The following RIN3 variants were observed in gnomAD, a reference collection of about 807,000 sequenced individuals.
RIN3 encodes the protein Ras and Rab interactor 3, also known as RAB5 interacting protein 3.
RIN3 carries 54 observed loss-of-function variants against 76.3 expected under a neutral mutation model. The ratio of observed to expected loss-of-function variants is 0.71; its 90% confidence interval spans 0.57 to 0.89. RIN3 has a LOEUF of 0.89. Ranked by LOEUF, RIN3 falls within the 40% of genes least tolerant of loss-of-function variation. RIN3 has a pLI of 0.00. For missense variants in RIN3, 1,256 were observed against 1,322.1 expected (o/e 0.95, Z 0.78); for synonymous variants, 576 against 564.0 (o/e 1.02, Z -0.30).
chr14:92,553,201 C>G (rs1433017890), intron 1 of RIN3, among the ~76,000 whole-genome samples: 4 of 152,128 alleles, frequency 2.6e-5, no homozygotes, highest in Non-Finnish European at 5.9e-5. Context: ...AGAAATGAAG[C>G]TGATTGCCCT....
chr14:92,621,724 G>A (rs1886190682), intron 4 of RIN3, among the ~76,000 whole-genome samples: 1 of 152,188 alleles, frequency 6.6e-6, no homozygotes, highest in African/African-American at 2.4e-5. Flanking sequence ...GAAAACAAAT[G>A]TTTCCTATTG....
chr14:92,688,554 C>T lies in RIN3; in HGVS notation c.*302C>T, dbSNP rs1888968221. The stretch of plus-strand genomic sequence containing the variant: ...GCAGCCAACAAACCGGCGCCCTCTT[C>T]ACACGTAGCTCCTCAGGCCATTCCC... On this transcript the variant is annotated 3_prime_UTR_variant, in exon 10 of 10. Transcript: ENST00000216487. 1.1e-5 allele frequency: 5 copies of T among 453,828 alleles called. No individual in the cohort carries two copies. Among genetic ancestry groups the T allele is most frequent in the Admixed American group, 3.8e-5 (1 of 26,380 alleles). The allele number at this position is 453,828 out of a possible 1,614,324, so 28.1% of individuals were successfully genotyped here.
intron 4 of RIN3, among the ~76,000 whole-genome samples, chr14:92,628,532 A>G (rs971442424): frequency 2.6e-5 from 4 of 152,148 alleles, no homozygotes; most frequent in African/African-American, 7.2e-5. Context: ...AGAGCCTGCT[A>G]TGAGCTTTCC....
chr14:92,517,020 G>A (rs1368173047), intron 1 of RIN3, among the ~76,000 whole-genome samples: 1 of 152,216 alleles, frequency 6.6e-6, no homozygotes. Flanking sequence ...GGTCTGTGGT[G>A]CCTCCCAGTC....
chr14:92,529,652 T>A (rs1896833349), intron 1 of RIN3, among the ~76,000 whole-genome samples: 1 of 152,230 alleles, frequency 6.6e-6, no homozygotes, highest in African/African-American at 2.4e-5. Context: ...GGCGACACTC[T>A]GTTTCCCTTC....
chr14:92,631,377 C>T (rs926670257), intron 4 of RIN3, among the ~76,000 whole-genome samples: 1 of 152,214 alleles, frequency 6.6e-6, no homozygotes. Context: ...TGTGCTCTGT[C>T]TGCAGCCTCT....
At position 92,681,748 on chromosome 14, in the gene RIN3, C is replaced by T. The variant is rs1888669895; in HGVS notation, c.2468-3239C>T. Among the ~76,000 whole-genome samples the T allele has an allele frequency of 6.6e-6, 1 of 152,204 alleles. No homozygotes were observed. The highest frequency in any genetic ancestry group is 2.4e-5 in the African/African-American group (1 of 41,450). ...CAAGGGCTGGGGGCACCAGAGCCGA[C>T]TTCCTGGCCTGGGGCTTTAAACCTA... is the stretch of plus-strand genomic sequence containing the variant. On this transcript the variant is annotated intron_variant, in intron 8 of 9. Coordinates refer to ENST00000216487, the MANE Select transcript of RIN3 (RefSeq NM_024832.5). The surrounding 1 kb of genome is among the most constrained non-coding windows in gnomAD (Gnocchi z 4.7).
chr14:92,543,215 G>A (rs1457938756), intron 1 of RIN3, among the ~76,000 whole-genome samples: 2 of 152,108 alleles, frequency 1.3e-5, no homozygotes, highest in South Asian at 2.1e-4. Flanking sequence ...ACTCTAGGGC[G>A]GTAGATGCAC....
intron 2 of RIN3, chr14:92,576,255 G>A: frequency 2.3e-6 from 3 of 1,287,670 alleles, no homozygotes; most frequent in Non-Finnish European, 2.0e-6. Context: ...AGCAGAGTTT[G>A]TGAAAGGCAG....
At chr14:92,687,621 G>C (rs1888912156) in intron 9 of RIN3, 7 of 435,154 alleles carry the variant, frequency 1.6e-5, no homozygotes, top group Non-Finnish European at 2.5e-5. Context: ...GGGAATGAAT[G>C]AATGAATGAA....
At chr14:92,561,042 A>ATATATATATATATATATATATAT (rs1461986249) in intron 2 of RIN3, among the ~76,000 whole-genome samples, 252 of 19,274 alleles carry the variant, frequency 0.013, 17 homozygotes, top group East Asian at 0.03. Context: ...AAAAAAAAAA[A>ATATATATATATATATATATATAT]AAATATATAT....
At chr14:92,527,990 C>A (rs549091296) in intron 1 of RIN3, among the ~76,000 whole-genome samples, 3 of 142,544 alleles carry the variant, frequency 2.1e-5, no homozygotes, top group African/African-American at 7.9e-5. Flanking sequence ...TGGAGCCACG[C>A]GGGCAGGCTT....
intron 4 of RIN3, among the ~76,000 whole-genome samples, chr14:92,635,615 G>T (rs1472634068): frequency 6.6e-6 from 1 of 152,166 alleles, no homozygotes; most frequent in Non-Finnish European, 1.5e-5. Flanking sequence ...ACTTCGGGAG[G>T]CTGAGGCAGG....
At position 92,667,712 on chromosome 14, in the gene RIN3, C is replaced by T. The variant is rs138015988; in HGVS notation, c.2335+8243C>T. ...CTATTTGATGCTGGATAAGCCCTCT[C>T]ATCTCTAACTCAATAGAAGTGTACT... On this transcript the variant is annotated intron_variant, in intron 7 of 9. Transcript: ENST00000216487. 5.9e-3 allele frequency among the ~76,000 whole-genome samples: 894 copies of T among 152,260 alleles called. 11 individuals carry two copies. The highest frequency in any genetic ancestry group is 0.021 in the African/African-American group (857 of 41,538).
chr14:92,525,117 G>A lies in RIN3; in HGVS notation c.44+11141G>A, dbSNP rs1480020772. On this transcript the variant is annotated intron_variant, in intron 1 of 9. Coordinates refer to ENST00000216487, the MANE Select transcript of RIN3 (RefSeq NM_024832.5). ...AACTTTCATTCTCTTGCCAAGCCTTGTGTCATGGTAGGTGTGTATGGGGGT... is the reference window on the plus strand; with the variant it reads ...AACTTTCATTCTCTTGCCAAGCCTTATGTCATGGTAGGTGTGTATGGGGGT... Among the ~76,000 whole-genome samples the A allele has an allele frequency of 1.3e-5, 2 of 152,192 alleles. 1 individual carries two copies. Among genetic ancestry groups the A allele is most frequent in the Non-Finnish European group, 2.9e-5 (2 of 68,038 alleles).
intron 5 of RIN3, among the ~76,000 whole-genome samples, chr14:92,649,250 A>G (rs1034491433): frequency 6.6e-6 from 1 of 152,110 alleles, no homozygotes; most frequent in Admixed American, 6.5e-5. Flanking sequence ...TACCCCCATG[A>G]CACCACCTTC....
Position 92,555,779 on chromosome 14 carries a change from G to A in RIN3, c.73G>A (p.Glu25Lys). The change falls in exon 2 of 10, where the codon GAA (glutamate) becomes AAA (lysine). Residue 25 changes from glutamate to lysine, a missense_variant. Coordinates refer to ENST00000216487, the MANE Select transcript of RIN3 (RefSeq NM_024832.5). ...GPVPVVGKGE[E>K]EEEEDGMRLC... is the part of the protein sequence containing the mutation. The stretch of plus-strand genomic sequence containing the variant: ...GGTTCCAGTTGTTGGCAAAGGAGAG[G>A]AAGAGGAAGAGGAAGATGGCATGCG... The A allele has an allele frequency of 6.2e-7, 1 of 1,611,930 alleles. No homozygotes were observed.
chr14:92,659,417 C>A lies in RIN3; in HGVS notation c.2283C>A (p.Ile761=), dbSNP rs1243439796. Reference sequence around the variant, plus strand: ...ACTCACCTGAGAAGAAGATCTCCATCCTGCTCAAGACCTGCAAACTCATCT... The same window carrying A: ...ACTCACCTGAGAAGAAGATCTCCATACTGCTCAAGACCTGCAAACTCATCT... ...KAYSPEKKIS[I]LLKTCKLIYD... is the part of the protein sequence containing the mutation. Residue 761 remains isoleucine, a synonymous_variant, in exon 7 of 10, where the codon ATC becomes ATA. Coordinates refer to ENST00000216487, the MANE Select transcript of RIN3 (RefSeq NM_024832.5). The A allele has an allele frequency of 6.2e-7, 1 of 1,613,322 alleles. No individual in the cohort carries two copies. Among genetic ancestry groups the A allele is most frequent in the Admixed American group, 1.7e-5 (1 of 59,920 alleles).
At chr14:92,515,040 G>A in intron 1 of RIN3, 1 of 556,360 alleles carries the variant, frequency 1.8e-6, no homozygotes, top group Non-Finnish European at 3.2e-6. Flanking sequence ...ATCTTGTGCA[G>A]TCCTGAACTG....
Sources: gnomAD v4.1 joint callset for allele counts (sites outside exome capture counted in the v4.1 genomes callset) on GRCh38, gnomAD v4.1.1 for gene constraint, Gnocchi (gnomAD v3.1) non-coding constraint, MANE v1.5 for transcripts, NCBI Gene and HGNC (gene_info 2026-07-23, HGNC 2026-07-21) for gene names.